NOS1: variants seen among roughly 807,000 people sequenced by gnomAD.
NOS1 encodes the protein nitric oxide synthase 1.
In NOS1, 51 loss-of-function variants were observed where a neutral mutation model predicts 164.5. That is an observed-to-expected ratio of 0.31 (90% confidence interval 0.25 to 0.39). NOS1 has a LOEUF of 0.39. NOS1 is among the 10% of genes least tolerant of loss of function. The pLI is 1.00. For synonymous variants in NOS1, 719 were observed against 745.8 expected, an observed-to-expected ratio of 0.96 and a Z score of 0.59; for missense variants, 1,362 against 1,885.6, an observed-to-expected ratio of 0.72 and a Z score of 5.14.
intron 1 of NOS1, among the ~76,000 whole-genome samples, chr12:117,347,039 C>A (rs1295483243): frequency 6.6e-6 from 1 of 152,142 alleles, no homozygotes. Context: ...GTAATCCCAG[C>A]ACTTTGGGAG....
chr12:117,313,290 G>A (rs1482814613), intron 2 of NOS1, among the ~76,000 whole-genome samples: 2 of 152,114 alleles, frequency 1.3e-5, no homozygotes, highest in Non-Finnish European at 2.9e-5. Flanking sequence ...GGCTTGTTCT[G>A]GATGCTAGCG....
At chr12:117,291,736 A>G (rs1235783429) in intron 3 of NOS1, among the ~76,000 whole-genome samples, 2 of 151,518 alleles carry the variant, frequency 1.3e-5, no homozygotes, top group African/African-American at 4.9e-5. Context: ...GGGTCTCACT[A>G]TGTTGCCCAG....
At chr12:117,332,560 C>T (rs913355567) in intron 1 of NOS1, among the ~76,000 whole-genome samples, 2 of 151,880 alleles carry the variant, frequency 1.3e-5, no homozygotes, top group Admixed American at 6.6e-5. Context: ...GACCCTTTCT[C>T]TATTTATTTA....
At position 117,260,458 on chromosome 12, in the gene NOS1, C is replaced by A. The variant is rs751014344; in HGVS notation, c.2367+7G>T. 2 of 1,612,910 alleles carry A rather than the reference C, an allele frequency of 1.2e-6. No individual in the cohort carries two copies. Among genetic ancestry groups the A allele is most frequent in the Non-Finnish European group, 1.7e-6 (2 of 1,179,126 alleles). On this transcript the variant is annotated splice_region_variant and intron_variant, in intron 14 of 28. Coordinates refer to ENST00000317775, the MANE Select transcript of NOS1 (RefSeq NM_000620.5). ...AGCTGGTGGAGCTAGGGCTACCCCC[C>A]ACCTACCTTGGCATCAAAGGCGTGT...
At chr12:117,260,732 T>C in intron 13 of NOS1, 123 bp from the exon 14 acceptor site, 1 of 1,048,256 alleles carries the variant, frequency 9.5e-7, no homozygotes, top group Non-Finnish European at 1.4e-6. Context: ...TCTCTTGATC[T>C]TTGATGGCTT....
intron 21 of NOS1, among the ~76,000 whole-genome samples, chr12:117,232,716 TCTAA>T (rs1308679043): frequency 6.6e-6 from 1 of 152,140 alleles, no homozygotes; most frequent in Non-Finnish European, 1.5e-5. Flanking sequence ...CAGACGTTGT[TCTAA>T]CTACTATATT....
Position 117,275,909 on chromosome 12 carries a change from C to T in NOS1, c.1664+2050G>A, listed in dbSNP as rs138224617. 3.7e-3 allele frequency among the ~76,000 whole-genome samples: 563 copies of T among 152,220 alleles called. 2 individuals are homozygous for T. The highest frequency in any genetic ancestry group is 5.7e-3 in the Non-Finnish European group (387 of 68,026). On this transcript the variant is annotated intron_variant, in intron 9 of 28. Coordinates refer to ENST00000317775, the MANE Select transcript of NOS1 (RefSeq NM_000620.5). ...TCCCAGGTTTGAGTCTAGTGCCTCA[C>T]GGTGGATGTCCTTTACTCTCAAAGG...
intron 14 of NOS1, 63 bp from the exon 15 acceptor site, chr12:117,259,193 G>A: frequency 1.8e-6 from 2 of 1,132,678 alleles, no homozygotes; most frequent in East Asian, 2.4e-5. Context: ...AGAGAAAAGA[G>A]GTGGGAGAGA....
chr12:117,210,139 A>ATTTTT lies in NOS1; in HGVS notation c.*5165_*5169dup. ...AGGAGCATGCCATCATGCCCAGCTA[A>ATTTTT]TTTTTTTTTTTTTTTTTTTTTAGTA... On this transcript the variant is annotated 3_prime_UTR_variant, in exon 29 of 29. Transcript: ENST00000317775. The ATTTTT allele has an allele frequency of 1.4e-5, 4 of 290,150 alleles. No individual in the cohort carries two copies. The highest frequency in any genetic ancestry group is 1.9e-5 in the Non-Finnish European group (4 of 207,372). The allele number at this position is 290,150 out of a possible 1,614,324, so 18.0% of individuals were successfully genotyped here.
chr12:117,284,278 G>A (rs900721778), intron 7 of NOS1, among the ~76,000 whole-genome samples: 1 of 152,184 alleles, frequency 6.6e-6, no homozygotes, highest in Non-Finnish European at 1.5e-5. Context: ...AGCAGTGAGC[G>A]GGCAGAGTCA....
rs1173465891 is a variant in NOS1 at position 117,208,742 on chromosome 12, T to TTTTC, written c.*6566_*6567insGAAA. 11 of 988,864 alleles carry TTTTC rather than the reference T, an allele frequency of 1.1e-5. No homozygotes were observed. In the African/African-American group the frequency reaches 2.0e-4, roughly 18 times the overall value. 61.3% of individuals were successfully genotyped at this position (988,864 alleles called of 1,614,324 possible). On this transcript the variant is annotated 3_prime_UTR_variant, in exon 29 of 29. Coordinates refer to ENST00000317775, the MANE Select transcript of NOS1 (RefSeq NM_000620.5). Reference sequence around the variant, plus strand: ...GCATGGGAGGGCTTTTTTTTTTTTTTCCACAGGGTCTCATTCTGTCAACAA... The same window carrying TTTTC: ...GCATGGGAGGGCTTTTTTTTTTTTTTTTTCCCACAGGGTCTCATTCTGTCAACAA...
At chr12:117,229,986 C>T (rs184326600) in intron 22 of NOS1, among the ~76,000 whole-genome samples, 2 of 152,274 alleles carry the variant, frequency 1.3e-5, no homozygotes, top group East Asian at 1.9e-4. Context: ...GTTGCAAGAT[C>T]GTGATTCACC....
intron 3 of NOS1, among the ~76,000 whole-genome samples, chr12:117,297,883 T>A (rs571207109): frequency 1.2e-4 from 19 of 152,022 alleles, no homozygotes; most frequent in Non-Finnish European, 2.6e-4. Context: ...AAACCAGGAC[T>A]GACAACTACA....
rs140783357 is a variant in NOS1, at chr12:117,208,807, C to T, written c.*6502G>A. 1,466 of 876,030 alleles carry T rather than the reference C, an allele frequency of 1.7e-3. 13 individuals carry two copies. The African/African-American group carries it at 0.017, about 10-fold the overall frequency. The allele number at this position is 876,030 out of a possible 1,614,324, so 54.3% of individuals were successfully genotyped here. A position where few individuals can be genotyped will look rare whatever the true frequency, so the allele number is the denominator to read the frequency against. On this transcript the variant is annotated 3_prime_UTR_variant, in exon 29 of 29. Transcript: ENST00000317775. The stretch of plus-strand genomic sequence containing the variant: ...GTGCCATCTCGGCTCACTGCAGCCT[C>T]TGCCTCCTGGGTTCAAGTAATTCTC...
chr12:117,276,283 TCTAA>T (rs1476545542), intron 9 of NOS1, among the ~76,000 whole-genome samples: 3 of 152,262 alleles, frequency 2.0e-5, no homozygotes, highest in East Asian at 1.9e-4. Flanking sequence ...ATTCATTCTT[TCTAA>T]CTATTTTTTT....
At chr12:117,222,972 G>A in intron 25 of NOS1, 109 bp from the exon 26 acceptor site, 1 of 1,293,366 alleles carries the variant, frequency 7.7e-7, no homozygotes, top group Admixed American at 2.2e-5. Flanking sequence ...CATGCGGATA[G>A]AGGCTCACAA....
At chr12:117,308,018 T>C (rs1874240756) in intron 3 of NOS1, among the ~76,000 whole-genome samples, 1 of 151,420 alleles carries the variant, frequency 6.6e-6, no homozygotes, top group South Asian at 2.1e-4. Flanking sequence ...ATAATAATAA[T>C]AGAGACATGG....
At position 117,331,031 on chromosome 12, in the gene NOS1, G is replaced by C; in HGVS notation, c.39C>G (p.Pro13=). 6.2e-7 allele frequency: 1 copy of C among 1,613,886 alleles called. No individual in the cohort carries two copies. Among genetic ancestry groups the C allele is most frequent in the Non-Finnish European group, 8.5e-7 (1 of 1,179,824 alleles). Residue 13 remains proline (P), a synonymous_variant, in exon 2 of 29, where the codon CCC becomes CCG. Coordinates refer to ENST00000317775, the MANE Select transcript of NOS1 (RefSeq NM_000620.5). The stretch of plus-strand genomic sequence containing the variant: ...TGAAGAGACGAACAGAAATGACATT[G>C]GGCTGGATTTGCTGAACACCGAACA... ...DHMFGVQQIQ[P]NVISVRLFKR...
intron 2 of NOS1, among the ~76,000 whole-genome samples, chr12:117,322,325 CCCT>C (rs1047960777): frequency 7.6e-6 from 1 of 131,456 alleles, no homozygotes; most frequent in Non-Finnish European, 1.6e-5. Context: ...CCTCTTCCTT[CCCT>C]CCTTCCTTCC....
Sources: gnomAD v4.1 joint callset for allele counts (sites outside exome capture counted in the v4.1 genomes callset) on GRCh38, gnomAD v4.1.1 for gene constraint, MANE v1.5 for transcripts, NCBI Gene and HGNC (gene_info 2026-07-23, HGNC 2026-07-21) for gene names.